MYH2: variants seen among roughly 807,000 people sequenced by gnomAD.
MYH2 encodes myosin heavy chain 2.
Under a neutral mutation model 228.1 loss-of-function variants are expected in MYH2, and 139 were observed. The observed-to-expected ratio is 0.61, with a 90% CI of 0.53 to 0.70. MYH2 has a LOEUF of 0.70. Among genes scored for constraint, MYH2 ranks in the 30% least tolerant of loss-of-function variants. The pLI, the probability that MYH2 is intolerant of heterozygous loss-of-function variation, is 0.00. For synonymous variants in MYH2, 796 were observed against 871.1 expected (o/e 0.91, Z 1.52); for missense variants, 1,809 against 2,357.5 (o/e 0.77, Z 4.82).
Position 10,525,240 on chromosome 17 carries a change from G to A in MYH2, c.4646C>T (p.Ala1549Val), listed in dbSNP as rs1446976479. ...TACATGTACCTCTGCTTCTTCTAAA[G>A]CAGCCTGAAGTTCACACTTTTCTTG... ...VEQEKCELQA[A>V]LEEAEASLEH... The change falls in exon 33 of 40, where the codon GCT becomes GTT. Residue 1549 changes from alanine to valine, a missense_variant. Transcript: ENST00000245503. This position sits in a 1 kb window ranked among gnomAD's most constrained non-coding sequence, Gnocchi z 4.2. 6.2e-7 allele frequency: 1 copy of A among 1,613,966 alleles called. No homozygotes were observed. Among genetic ancestry groups the A allele is most frequent in the South Asian group, 1.1e-5 (1 of 91,076 alleles).
chr17:10,528,989 G>C lies in MYH2; in HGVS notation c.3445C>G (p.Leu1149Val). The C allele has an allele frequency of 1.2e-6, 2 of 1,614,182 alleles. No homozygotes were observed. Among genetic ancestry groups the C allele is most frequent in the Non-Finnish European group, 1.7e-6 (2 of 1,180,046 alleles). ...TCCAGCCTCTCGCTGATCTCCTCCA[G>C]CTCCCGGGAGAGGTCAGAGCGCTGC... ...EKQRSDLSRELEEISERLEEA... is the reference protein window; with the variant it reads ...EKQRSDLSREVEEISERLEEA... The change falls in exon 27 of 40, where the codon CTG becomes GTG. Residue 1149 changes from leucine to valine, a missense_variant. By Grantham distance (32) the Leu-to-Val change is conservative. This residue lies in a region of MYH2 where 636 missense variants were observed against 729.9 expected (regional missense o/e 0.87). Coordinates refer to ENST00000245503, the MANE Select transcript of MYH2 (RefSeq NM_017534.6).
intron 17 of MYH2, 38 bp from the exon 18 acceptor site, chr17:10,535,403 A>C (rs1597453623): frequency 6.5e-7 from 1 of 1,540,272 alleles, no homozygotes. Flanking sequence ...TTTAGGCTCT[A>C]GACATGGATA....
rs750093920 is a variant in MYH2, at chr17:10,524,719, C to A, written c.4971+38G>T. On this transcript the variant is annotated intron_variant, in intron 34 of 39. Coordinates refer to ENST00000245503, the MANE Select transcript of MYH2 (RefSeq NM_017534.6). This position sits in a 1 kb window ranked among gnomAD's most constrained non-coding sequence, Gnocchi z 4.7. Reference sequence around the variant, plus strand: ...CATCATGTTCTCAGGGTTGCAGGCACCCCAATAGTCCTGGGACCATCTCTT... The same window carrying A: ...CATCATGTTCTCAGGGTTGCAGGCAACCCAATAGTCCTGGGACCATCTCTT... 20 of 1,614,072 alleles carry A rather than the reference C, an allele frequency of 1.2e-5. No homozygotes were observed. The highest frequency in any genetic ancestry group is 1.6e-5 in the Non-Finnish European group (19 of 1,180,042).
intron 21 of MYH2, among the ~76,000 whole-genome samples, chr17:10,532,394 T>A (rs538522475): frequency 6.6e-5 from 10 of 152,342 alleles, no homozygotes; most frequent in Non-Finnish European, 1.3e-4. Context: ...AATATCTGGC[T>A]TTATATGTTA....
At chr17:10,545,221 A>C (rs2073611632) in intron 5 of MYH2, 125 bp downstream of exon 5, 1 of 1,569,972 alleles carries the variant, frequency 6.4e-7, no homozygotes, top group African/African-American at 1.4e-5. Flanking sequence ...CTTCTCCTTC[A>C]TAAATACACC....
At chr17:10,533,717 C>T (rs992112175) in intron 19 of MYH2, 85 bp from the exon 20 acceptor site, 3 of 1,517,492 alleles carry the variant, frequency 2.0e-6, no homozygotes, top group Admixed American at 3.4e-5. Flanking sequence ...TTTTTTAAAG[C>T]AGAGCTTTAA....
chr17:10,542,021 C>G (rs2073562506), intron 10 of MYH2, among the ~76,000 whole-genome samples: 1 of 152,140 alleles, frequency 6.6e-6, no homozygotes, highest in African/African-American at 2.4e-5. Flanking sequence ...TGCCCATAAT[C>G]CCATCACTTT....
At chr17:10,540,805 C>A in intron 10 of MYH2, 108 bp from the exon 11 acceptor site, 1 of 936,308 alleles carries the variant, frequency 1.1e-6, no homozygotes, top group East Asian at 2.6e-5. Flanking sequence ...ACTCAGGGAC[C>A]CCAAATAGAG....
At chr17:10,534,646 G>T (rs915249577) in intron 19 of MYH2, among the ~76,000 whole-genome samples, 1 of 152,218 alleles carries the variant, frequency 6.6e-6, no homozygotes, top group Non-Finnish European at 1.5e-5. Flanking sequence ...GCTGGGCATG[G>T]TGGCTCATGC....
rs759803839 is a variant in MYH2, at chr17:10,525,343, TCTC to T, written c.4540_4542del (p.Glu1514del). ...GCAATCTGTTCCGTGAGGTCAGAAA[TCTC>T]CTCTGTTGTTTGAGTAAAAGACAGG... is the stretch of plus-strand genomic sequence containing the variant. On this transcript the variant is annotated inframe_deletion and splice_region_variant, in exon 33 of 40. Transcript: ENST00000245503. This position sits in a 1 kb window ranked among gnomAD's most constrained non-coding sequence, Gnocchi z 4.2. The T allele has an allele frequency of 3.1e-6, 5 of 1,614,058 alleles. No individual in the cohort carries two copies. The highest frequency in any genetic ancestry group is 1.3e-5 in the African/African-American group (1 of 74,928).
Position 10,529,019 on chromosome 17 carries a change from C to T in MYH2, c.3415G>A (p.Glu1139Lys). The change falls in exon 27 of 40, where the codon GAG becomes AAG. Residue 1139 changes from glutamate to lysine, a missense_variant. By Grantham distance (56) the Glu-to-Lys change is moderately conservative. Coordinates refer to ENST00000245503, the MANE Select transcript of MYH2 (RefSeq NM_017534.6). ...CGGGAGAGGTCAGAGCGCTGCTTCTCTGCTTTGGCCCGGGAGGCCCGCTCT... is the reference window on the plus strand; with the variant it reads ...CGGGAGAGGTCAGAGCGCTGCTTCTTTGCTTTGGCCCGGGAGGCCCGCTCT... ...EAERASRAKA[E>K]KQRSDLSREL... 6.2e-7 allele frequency: 1 copy of T among 1,614,244 alleles called. No individual in the cohort carries two copies. Among genetic ancestry groups the T allele is most frequent in the Non-Finnish European group, 8.5e-7 (1 of 1,180,052 alleles).
chr17:10,529,474 C>A lies in MYH2; in HGVS notation c.3125G>T (p.Gly1042Val), dbSNP rs1459718999. Residue 1042 changes from glycine (G) to valine (V), a missense_variant, in exon 25 of 40, where the codon GGG (glycine) becomes GTG (valine). Transcript: ENST00000245503. ...AAGTTTCTTTTCTTGCTCCAAGGAC[C>A]CTTCAAGCTAAATATAAATTATGTT... Reference protein sequence around the residue: ...KLEQQVDDLEGSLEQEKKLRM... With the variant: ...KLEQQVDDLEVSLEQEKKLRM... 1 of 1,614,060 alleles carries A rather than the reference C, an allele frequency of 6.2e-7. No homozygotes were observed. The highest frequency in any genetic ancestry group is 8.5e-7 in the Non-Finnish European group (1 of 1,180,042).
intron 21 of MYH2, 112 bp downstream of exon 21, chr17:10,533,173 G>C: frequency 6.8e-7 from 1 of 1,471,624 alleles, no homozygotes; most frequent in South Asian, 1.2e-5. Context: ...TTCATTATAG[G>C]ACTCTTATTC....
At position 10,543,817 on chromosome 17, in the gene MYH2, A is replaced by G; in HGVS notation, c.649-14T>C. The G allele has an allele frequency of 6.2e-7, 1 of 1,613,912 alleles. No individual in the cohort carries two copies. Among genetic ancestry groups the G allele is most frequent in the Non-Finnish European group, 8.5e-7 (1 of 1,179,752 alleles). On this transcript the variant is annotated splice_polypyrimidine_tract_variant and intron_variant, in intron 7 of 39. Transcript: ENST00000245503. ...TTCCAGAGTCCCCTGCAAAGGCAAG[A>G]GCAGTCCTTGCATCTGGGGCTTGGG...
At chr17:10,546,482 C>A (rs2073635395) in intron 4 of MYH2, among the ~76,000 whole-genome samples, 1 of 151,700 alleles carries the variant, frequency 6.6e-6, no homozygotes, top group East Asian at 1.9e-4. Flanking sequence ...AAAATATTTA[C>A]TGCATGTTTA....
rs189450430 is a variant in MYH2 at position 10,529,298 on chromosome 17, G to A, written c.3263+38C>T. On this transcript the variant is annotated intron_variant, in intron 25 of 39. Transcript: ENST00000245503. Reference sequence around the variant, plus strand: ...GACAACAATTTAGTCCGTATCTAATGTTGGAAGCAAATCCATAAGCAATTC... The same window carrying A: ...GACAACAATTTAGTCCGTATCTAATATTGGAAGCAAATCCATAAGCAATTC... The A allele has an allele frequency of 9.8e-5, 158 of 1,613,970 alleles. 1 individual carries two copies. In the Admixed American group the frequency reaches 2.6e-3, roughly 26 times the overall value.
At position 10,529,159 on chromosome 17, in the gene MYH2, T is replaced by C. The variant is rs776111885; in HGVS notation, c.3354+3A>G. On this transcript the variant is annotated splice_donor_region_variant and intron_variant, in intron 26 of 39. Transcript: ENST00000245503. The stretch of plus-strand genomic sequence containing the variant: ...GCCAGACTGATGAAAATCATGTACT[T>C]ACTTGCAATTCTTTAATTTTCTTCT... 4 of 1,614,276 alleles carry C rather than the reference T, an allele frequency of 2.5e-6. No individual in the cohort carries two copies. In the South Asian group the frequency reaches 4.4e-5, roughly 18 times the overall value.
Position 10,540,359 on chromosome 17 carries a change from CAA to C in MYH2, c.1008+233_1008+234del, listed in dbSNP as rs56139789. Among the ~76,000 whole-genome samples the C allele has an allele frequency of 0.43, 64,699 of 149,096 alleles. 15,001 individuals are homozygous for C. The highest frequency in any genetic ancestry group is 0.54 in the Non-Finnish European group (36,149 of 67,446). On this transcript the variant is annotated intron_variant, in intron 11 of 39. Coordinates refer to ENST00000245503, the MANE Select transcript of MYH2 (RefSeq NM_017534.6). ...GTAGGAATCTAATGCAAGTCAATTG[CAA>C]AAAAAAAAAAATAGTTTAGAAATTT...
At position 10,527,042 on chromosome 17, in the gene MYH2, G is replaced by A; in HGVS notation, c.3886C>T (p.Gln1296Ter). 1 of 1,614,068 alleles carries A rather than the reference G, an allele frequency of 6.2e-7. No homozygotes were observed. Among genetic ancestry groups the A allele is most frequent in the Non-Finnish European group, 8.5e-7 (1 of 1,180,004 alleles). Residue 1296 changes from glutamine to a stop codon, truncating the protein, a stop_gained, in exon 29 of 40, where the codon CAG becomes TAG. Transcript: ENST00000245503. LOFTEE classifies it high-confidence loss of function. ...ACCAGAGCTTCCTTTTCATCAAGCT[G>A]GCGTGAAAACTCACCTGATGGACAA... ...LQTESGEFSR[Q>*]LDEKEALVSQ...
Sources: allele counts gnomAD v4.1 joint callset (sites outside exome capture counted in the v4.1 genomes callset), GRCh38; gene constraint gnomAD v4.1.1; regional missense constraint gnomAD v4.1.1; non-coding constraint Gnocchi (gnomAD v3.1); transcripts MANE v1.5; gene names NCBI Gene and HGNC (gene_info 2026-07-23, HGNC 2026-07-21).